Variants in PRAMEF4 observed in about 807,000 individuals in gnomAD.
PRAMEF4 encodes the protein RP5-845O24.6.
Under a neutral mutation model 34.4 loss-of-function variants are expected in PRAMEF4, and 18 were observed. The ratio of observed to expected loss-of-function variants is 0.52; its 90% CI spans 0.36 to 0.78. The LOEUF (loss-of-function observed/expected upper bound fraction) is 0.78, where lower values mean the gene tolerates loss of function less well. PRAMEF4 is among the 30% of genes least tolerant of loss of function. The pLI is 0.00. For missense variants in PRAMEF4, 482 were observed against 569.1 expected, an observed-to-expected ratio of 0.85 and a Z score of 1.56; for synonymous variants, 156 against 219.3, an observed-to-expected ratio of 0.71 and a Z score of 2.55.
At chr1:12,884,578 A>C (rs1029245288) in intron 1 of PRAMEF4, among the ~76,000 whole-genome samples, 1 of 147,198 alleles carries the variant, frequency 6.8e-6, no homozygotes, top group African/African-American at 2.5e-5. Flanking sequence ...AGCCAGGTGC[A>C]GTGGTCTGCG....
intron 1 of PRAMEF4, 99 bp downstream of exon 1, chr1:12,886,048 A>G (rs1640997547): frequency 8.6e-6 from 1 of 116,568 alleles, no homozygotes; most frequent in Admixed American, 8.9e-5. Context: ...AAAAAAGGAC[A>G]GGATATAGCT....
At chr1:12,880,537 C>T (rs1345759143) in intron 3 of PRAMEF4, among the ~76,000 whole-genome samples, 3 of 149,250 alleles carry the variant, frequency 2.0e-5, no homozygotes, top group Non-Finnish European at 4.4e-5. Flanking sequence ...GATCATGCCA[C>T]TACACTCCAG....
intron 1 of PRAMEF4, 120 bp downstream of exon 1, chr1:12,886,027 T>TTA (rs1191433969): frequency 1.0e-3 from 87 of 83,922 alleles, no homozygotes; most frequent in African/African-American, 4.8e-3. Context: ...ATTGTTCATA[T>TTA]AAAAAAAAAA....
intron 2 of PRAMEF4, 115 bp from the exon 3 acceptor site, chr1:12,882,550 T>C: frequency 4.3e-6 from 6 of 1,384,206 alleles, no homozygotes; most frequent in South Asian, 1.3e-5. Context: ...CTCTGACTTT[T>C]CTTCACTCTG....
At chr1:12,883,465 A>C (rs1420608218) in intron 1 of PRAMEF4, 55 bp from the exon 2 acceptor site, 2 of 1,594,264 alleles carry the variant, frequency 1.3e-6, no homozygotes, top group African/African-American at 1.4e-5. Context: ...AGCCCATGCA[A>C]TCTCATCCTC....
In PRAMEF4 at chr1:12,879,857, G is replaced by A. The variant is rs137869078; in HGVS notation, c.1124C>T (p.Ala375Val). The change falls in exon 4 of 4, where the codon GCC becomes GTC. Residue 375 changes from alanine (A) to valine (V), a missense_variant. Ala to Val is a moderately conservative substitution (Grantham distance 64, BLOSUM62 0). Transcript: ENST00000235349. Reference sequence around the variant, plus strand: ...GTTGAGCTCAAAGCAGCGGCTCAGGGCAGGCAAGATGGCGTTGACTTGGGA... The same window carrying A: ...GTTGAGCTCAAAGCAGCGGCTCAGGACAGGCAAGATGGCGTTGACTTGGGA... ...IDSQVNAILP[A>V]LSRCFELNTF... 6.9e-6 allele frequency: 11 copies of A among 1,599,564 alleles called. No individual in the cohort carries two copies. Among genetic ancestry groups the A allele is most frequent in the Admixed American group, 3.5e-5 (2 of 57,700 alleles).
At position 12,879,671 on chromosome 1, in the gene PRAMEF4, C is replaced by T. The variant is rs1395141864; in HGVS notation, c.1310G>A (p.Arg437Lys). 4 of 1,601,926 alleles carry T rather than the reference C, an allele frequency of 2.5e-6. No homozygotes were observed. Among genetic ancestry groups the T allele is most frequent in the East Asian group, 2.2e-5 (1 of 44,640 alleles). The change falls in exon 4 of 4, where the codon AGG becomes AAG. Residue 437 changes from arginine to lysine, a missense_variant. This residue lies in a region of PRAMEF4 where 116 missense variants were observed against 105.2 expected (regional missense o/e 1.10). Transcript: ENST00000235349. ...TLCWSRFAQIRAELMNRVRDL... is the reference protein window; with the variant it reads ...TLCWSRFAQIKAELMNRVRDL... ...CCTCACTCTGTTCATCAGCTCAGCC[C>T]TAATTTGAGCAAATCTGCTCCAGCA...
Position 12,881,278 on chromosome 1 carries a change from A to G in PRAMEF4, c.875+576T>C, listed in dbSNP as rs1317586932. On this transcript the variant is annotated intron_variant, in intron 3 of 3. Transcript: ENST00000235349. ...GCACTCAGGAGGCTGAGGCAGGAGA[A>G]TCGCATGAACCTGGGAGGCAGAAGT... 1.3e-5 allele frequency among the ~76,000 whole-genome samples: 2 copies of G among 148,568 alleles called. 1 individual carries two copies.
chr1:12,884,674 C>T (rs2995620), intron 1 of PRAMEF4, among the ~76,000 whole-genome samples: 1,788 of 146,904 alleles, frequency 0.012, 71 homozygotes, highest in African/African-American at 0.043. Context: ...GACATTATAC[C>T]ACTCCACTCC....
At chr1:12,881,042 C>G (rs556086084) in intron 3 of PRAMEF4, among the ~76,000 whole-genome samples, 1 of 148,430 alleles carries the variant, frequency 6.7e-6, no homozygotes, top group Admixed American at 6.9e-5. Context: ...GTGCCCACTT[C>G]ACTTCCCTAC....
rs571410869 is a variant in PRAMEF4 at position 12,885,766 on chromosome 1, C to T, written c.-17+381G>A. Among the ~76,000 whole-genome samples, 3 of 146,808 alleles carry T rather than the reference C, an allele frequency of 2.0e-5. 1 individual carries two copies. The highest frequency in any genetic ancestry group is 2.2e-4 in the South Asian group (1 of 4,546). ...TGCCACTGCACTCCAGTCTGGGCAA[C>T]ACAGTGAGACTCCATCCCCACCCTC... On this transcript the variant is annotated intron_variant, in intron 1 of 3. Coordinates refer to ENST00000235349, the MANE Select transcript of PRAMEF4 (RefSeq NM_001009611.4).
intron 3 of PRAMEF4, among the ~76,000 whole-genome samples, chr1:12,880,330 C>G (rs1164292954): frequency 4.1e-4 from 62 of 150,608 alleles, no homozygotes; most frequent in African/African-American, 1.5e-3. Flanking sequence ...AATCCCAGCA[C>G]TTTGGGAGGC....
At chr1:12,880,468 T>C (rs554314687) in intron 3 of PRAMEF4, among the ~76,000 whole-genome samples, 113 of 150,132 alleles carry the variant, frequency 7.5e-4, no homozygotes, top group African/African-American at 2.7e-3. Context: ...TCCAGCTACT[T>C]GGGAAGCTGA....
rs1309502989 is a variant in PRAMEF4, at chr1:12,880,785, C to T, written c.876-680G>A. 9.0e-5 allele frequency among the ~76,000 whole-genome samples: 13 copies of T among 144,694 alleles called. 1 individual carries two copies. Among genetic ancestry groups the T allele is most frequent in the Non-Finnish European group, 1.7e-4 (11 of 66,120 alleles). 94.9% of individuals were successfully genotyped at this position (144,694 alleles called of 152,430 possible). A position where few individuals can be genotyped will look rare whatever the true frequency, so the allele number is the denominator to read the frequency against. On this transcript the variant is annotated intron_variant, in intron 3 of 3. Transcript: ENST00000235349. Reference sequence around the variant, plus strand: ...ATCCTGCAACATCAGCTACGGTGGGCGGGCTGCAGGCGTCCCTGACATGCC... The same window carrying T: ...ATCCTGCAACATCAGCTACGGTGGGTGGGCTGCAGGCGTCCCTGACATGCC...
Position 12,883,205 on chromosome 1 carries a change from G to T in PRAMEF4, c.190C>A (p.Arg64Ser). Reference protein sequence around the residue: ...LKLMVQSWPFRRLPLRPLIKM... With the variant: ...LKLMVQSWPFSRLPLRPLIKM... ...ATCAGAGGCCTCAGAGGGAGGCGGC[G>T]GAAGGGCCAGGACTGCACCATCAGC... is the stretch of plus-strand genomic sequence containing the variant. The change falls in exon 2 of 4, where the codon CGC (arginine) becomes AGC (serine). Residue 64 changes from arginine (R) to serine (S), a missense_variant. Physicochemically the swap from Arg to Ser is moderately radical, Grantham distance 110. This residue lies in a region of PRAMEF4 where 172 missense variants were observed against 130.2 expected (regional missense o/e 1.32). Coordinates refer to ENST00000235349, the MANE Select transcript of PRAMEF4 (RefSeq NM_001009611.4). 1 of 1,599,176 alleles carries T rather than the reference G, an allele frequency of 6.3e-7. No homozygotes were observed. Among genetic ancestry groups the T allele is most frequent in the Non-Finnish European group, 8.5e-7 (1 of 1,172,880 alleles).
chr1:12,883,457 C>G (rs917798938), intron 1 of PRAMEF4, 47 bp from the exon 2 acceptor site: 2 of 1,596,894 alleles, frequency 1.3e-6, no homozygotes, highest in African/African-American at 2.7e-5. Context: ...TCGGGCCAAG[C>G]CCATGCAATC....
chr1:12,880,908 C>T (rs1256491072), intron 3 of PRAMEF4, among the ~76,000 whole-genome samples: 1 of 146,728 alleles, frequency 6.8e-6, no homozygotes, highest in Non-Finnish European at 1.5e-5. Context: ...AATTAATTTA[C>T]CTGGAGCTCA....
In PRAMEF4 at chr1:12,879,370, C is replaced by A; in HGVS notation, c.*174G>T. 2.7e-6 allele frequency: 2 copies of A among 746,736 alleles called. No individual in the cohort carries two copies. Among genetic ancestry groups the A allele is most frequent in the Non-Finnish European group, 2.1e-6 (1 of 474,482 alleles). The allele number at this position is 746,736 out of a possible 1,614,324, so 46.3% of individuals were successfully genotyped here. A position where few individuals can be genotyped will look rare whatever the true frequency, so the allele number is the denominator to read the frequency against. ...CCCCAAAGTCCCATCGAATCCATGG[C>A]AACATTTCCCCCAAGTCCGGCCCCT... On this transcript the variant is annotated 3_prime_UTR_variant, in exon 4 of 4. Transcript: ENST00000235349.
At chr1:12,885,721 G>T (rs1640989147) in intron 1 of PRAMEF4, among the ~76,000 whole-genome samples, 1 of 146,908 alleles carries the variant, frequency 6.8e-6, no homozygotes, top group Non-Finnish European at 1.5e-5. Context: ...GGAAGTAAAG[G>T]TTGCAGGGAG....
Sources: gnomAD v4.1 joint callset for allele counts (sites outside exome capture counted in the v4.1 genomes callset) on GRCh38, gnomAD v4.1.1 for gene constraint, gnomAD v4.1.1 regional missense constraint, MANE v1.5 for transcripts, NCBI Gene and HGNC (gene_info 2026-07-23, HGNC 2026-07-21) for gene names.